Variants in TEX11 observed in about 807,000 individuals in gnomAD.
TEX11 encodes the protein testis-expressed protein 11.
TEX11 carries 7 observed loss-of-function variants against 84.4 expected under a neutral mutation model. The observed-to-expected ratio is 0.08, with a 90% CI of 0.05 to 0.16. The LOEUF is 0.16. TEX11 is among the 10% of genes least tolerant of loss of function. The pLI is 1.00. For synonymous variants in TEX11, 264 were observed against 222.8 expected (o/e 1.18, Z -1.64); for missense variants, 551 against 660.5 (o/e 0.83, Z 1.82).
At chrX:70,751,053 C>G (rs1258800452) in intron 9 of TEX11, among the ~76,000 whole-genome samples, 3 of 99,631 alleles carry the variant, frequency 3.0e-5, no homozygotes, top group African/African-American at 1.1e-4. Flanking sequence ...CTAGTTCAAC[C>G]ATTGTGGAAG....
chrX:70,558,963 T>C (rs2088326093), intron 25 of TEX11, among the ~76,000 whole-genome samples: 1 of 112,078 alleles, frequency 8.9e-6, no homozygotes, highest in African/African-American at 3.2e-5. Flanking sequence ...CATACATTGC[T>C]GGTGGAAATG....
intron 4 of TEX11, among the ~76,000 whole-genome samples, chrX:70,868,532 C>T (rs928625223): frequency 2.7e-5 from 3 of 111,539 alleles, no homozygotes; most frequent in African/African-American, 9.8e-5. Flanking sequence ...ACTGAGTATA[C>T]ACCCAAAGGA....
chrX:70,861,136 A>G (rs1468906505), intron 4 of TEX11, among the ~76,000 whole-genome samples, 200 bp from the exon 5 acceptor site: 1 of 90,254 alleles, frequency 1.1e-5, no homozygotes, highest in African/African-American at 4.3e-5. Context: ...ATCTCGGCTC[A>G]CTGCAAGCTC....
At chrX:70,691,238 A>G (rs1203731280) in intron 13 of TEX11, among the ~76,000 whole-genome samples, 2 of 111,858 alleles carry the variant, frequency 1.8e-5, no homozygotes, top group African/African-American at 3.2e-5. Flanking sequence ...TACAGCCACT[A>G]TGGAAAATAA....
In TEX11 at chrX:70,670,457, T is replaced by G; in HGVS notation, c.1300A>C (p.Thr434Pro). 8.3e-7 allele frequency: 1 copy of G among 1,209,906 alleles called. No homozygotes were observed. The highest frequency in any genetic ancestry group is 1.1e-6 in the Non-Finnish European group (1 of 894,588). Residue 434 changes from threonine (T) to proline (P), a missense_variant, in exon 16 of 30, where the codon ACT (threonine) becomes CCT (proline). Physicochemically the swap from Thr to Pro is conservative, Grantham distance 38 (BLOSUM62 -1). Transcript: ENST00000374333. ...GTGAAGTCCAGATCCATTTCATCAG[T>G]TGAATAAAACCTCAGAGAATAATAG... ...WYYYSLRFYS[T>P]DEMDLDFTKL...
intron 25 of TEX11, among the ~76,000 whole-genome samples, chrX:70,571,996 T>A (rs1364825052): frequency 9.0e-6 from 1 of 110,941 alleles, no homozygotes; most frequent in Non-Finnish European, 1.9e-5. Flanking sequence ...AAAGCCAAAA[T>A]TGACAAATGG....
intron 5 of TEX11, among the ~76,000 whole-genome samples, chrX:70,856,316 TGA>T (rs1479475890): frequency 7.8e-4 from 87 of 111,281 alleles, no homozygotes; most frequent in African/African-American, 2.8e-3. Context: ...AATGGCGGAA[TGA>T]GGGGAGATAT....
At position 70,873,361 on chromosome X, in the gene TEX11, G is replaced by A. The variant is rs777503908; in HGVS notation, c.160-54C>T. 18 of 799,790 alleles carry A rather than the reference G, an allele frequency of 2.3e-5. No individual in the cohort carries two copies. In the South Asian group the frequency reaches 3.2e-4, roughly 14 times the overall value. The allele number at this position is 799,790 out of a possible 1,213,427, so 65.9% of individuals were successfully genotyped here. ...AGTTAAAATACTGGCCACCTCCAAC[G>A]GTATTTTCATTCTTGAATGTTGTAT... On this transcript the variant is annotated intron_variant, in intron 3 of 29. Transcript: ENST00000374333.
intron 23 of TEX11, among the ~76,000 whole-genome samples, chrX:70,606,186 A>G: frequency 8.9e-6 from 1 of 112,526 alleles, no homozygotes; most frequent in Admixed American, 9.4e-5. Flanking sequence ...TATTAAATTA[A>G]TAGCATTTTA....
intron 9 of TEX11, among the ~76,000 whole-genome samples, chrX:70,788,392 T>C (rs2091092841): frequency 9.0e-6 from 1 of 110,922 alleles, no homozygotes. Context: ...TCAACAAAGG[T>C]GCCAAGAATA....
chrX:70,540,100 C>T (rs1379809718), intron 28 of TEX11, among the ~76,000 whole-genome samples: 1 of 111,407 alleles, frequency 9.0e-6, no homozygotes, highest in East Asian at 2.8e-4. Flanking sequence ...TAAATGAGAT[C>T]CAGAGTCTCA....
chrX:70,675,539 C>CTTTTCT (rs375184132), intron 15 of TEX11, among the ~76,000 whole-genome samples: 8,759 of 108,973 alleles, frequency 0.08, 899 homozygotes, highest in African/African-American at 0.26. Flanking sequence ...ACCTTTCTTT[C>CTTTTCT]TTTTCTTTTT....
intron 17 of TEX11, among the ~76,000 whole-genome samples, chrX:70,640,342 T>C (rs1192274325): frequency 1.9e-5 from 2 of 103,671 alleles, no homozygotes; most frequent in Non-Finnish European, 4.0e-5. Flanking sequence ...TGGAAAACAC[T>C]CTGCAGGATA....
At chrX:70,730,342 A>G (rs77951852) in intron 11 of TEX11, among the ~76,000 whole-genome samples, 1 of 112,073 alleles carries the variant, frequency 8.9e-6, no homozygotes, top group Admixed American at 9.5e-5. Context: ...GCTCCAATTA[A>G]AAGACACAGA....
At chrX:70,588,145 G>C (rs973625545) in intron 25 of TEX11, among the ~76,000 whole-genome samples, 6 of 112,075 alleles carry the variant, frequency 5.4e-5, no homozygotes, top group Non-Finnish European at 9.4e-5. Flanking sequence ...ATGAGACTTT[G>C]AACATGGACT....
intron 28 of TEX11, among the ~76,000 whole-genome samples, chrX:70,538,759 A>G (rs2087994525): frequency 9.0e-6 from 1 of 110,628 alleles, no homozygotes; most frequent in Non-Finnish European, 1.9e-5. Context: ...TTAACCTTTC[A>G]ATGCCTCAAT....
At chrX:70,577,771 A>C (rs757617950) in intron 25 of TEX11, among the ~76,000 whole-genome samples, 2 of 89,777 alleles carry the variant, frequency 2.2e-5, no homozygotes, top group South Asian at 8.7e-4. Flanking sequence ...CTCTGTCACC[A>C]GGTTGGAGTG....
At chrX:70,851,034 A>G (rs1157118842) in intron 7 of TEX11, among the ~76,000 whole-genome samples, 1 of 112,618 alleles carries the variant, frequency 8.9e-6, no homozygotes, top group Non-Finnish European at 1.9e-5. Flanking sequence ...ATTGTTGTAT[A>G]AATTCAATGC....
intron 25 of TEX11, among the ~76,000 whole-genome samples, chrX:70,581,067 T>A (rs1487795225): frequency 9.0e-6 from 1 of 110,588 alleles, no homozygotes; most frequent in African/African-American, 3.3e-5. Context: ...GGTGGCACAA[T>A]CATGGCTCAC....
Sources: gnomAD v4.1 joint callset for allele counts (sites outside exome capture counted in the v4.1 genomes callset) on GRCh38, gnomAD v4.1.1 for gene constraint, MANE v1.5 for transcripts, NCBI Gene and HGNC (gene_info 2026-07-23, HGNC 2026-07-21) for gene names.